SMG8: variants seen among roughly 807,000 people sequenced by gnomAD.
SMG8 encodes nonsense-mediated mRNA decay factor SMG8.
In SMG8, 49 loss-of-function variants were observed where a neutral mutation model predicts 82.1. The ratio of observed to expected loss-of-function variants is 0.60; its 90% CI spans 0.47 to 0.76. The LOEUF (loss-of-function observed/expected upper bound fraction) is 0.76. Among genes scored for constraint, SMG8 ranks in the 30% least tolerant of loss-of-function variants. The pLI, the probability that SMG8 is intolerant of heterozygous loss-of-function variation, is 0.00. For missense variants in SMG8, 969 were observed against 1,166.4 expected, an observed-to-expected ratio of 0.83 and a Z score of 2.46; for synonymous variants, 404 against 430.0, an observed-to-expected ratio of 0.94 and a Z score of 0.75.
Position 59,215,050 on chromosome 17 carries a change from T to C in SMG8, c.*48T>C. On this transcript the variant is annotated 3_prime_UTR_variant, in exon 4 of 4. Coordinates refer to ENST00000300917, the MANE Select transcript of SMG8 (RefSeq NM_018149.7). ...CTATACTTGAGCTGGTTTTTGTTTT[T>C]GGTATTTGTGGCTGTGTTTTTGGTA... 2.3e-6 allele frequency: 2 copies of C among 853,410 alleles called. No individual in the cohort carries two copies. Among genetic ancestry groups the C allele is most frequent in the Non-Finnish European group, 4.1e-6 (2 of 488,914 alleles). 52.9% of individuals were successfully genotyped at this position (853,410 alleles called of 1,614,324 possible).
At position 59,213,029 on chromosome 17, in the gene SMG8, T is replaced by C. The variant is rs1402025193; in HGVS notation, c.2206T>C (p.Phe736Leu). ...AGTGAAAACTGAGAAGAGGCCAAACTTCGTTGATCGACAGGCATCCACAGT... is the reference window on the plus strand; with the variant it reads ...AGTGAAAACTGAGAAGAGGCCAAACCTCGTTGATCGACAGGCATCCACAGT... ...VEVKTEKRPN[F>L]VDRQASTVEY... Residue 736 changes from phenylalanine to leucine, a missense_variant, in exon 3 of 4, where the codon TTC becomes CTC. Phe to Leu is a conservative substitution (Grantham distance 22). Around this residue, in one of 3 missense-constraint regions of SMG8, gnomAD observed 662 missense variants for 884.8 expected, o/e 0.75. Coordinates refer to ENST00000300917, the MANE Select transcript of SMG8 (RefSeq NM_018149.7). The C allele has an allele frequency of 1.2e-6, 2 of 1,614,128 alleles. No homozygotes were observed.
rs375529283 is a variant in SMG8 at position 59,210,713 on chromosome 17, T to C, written c.662T>C (p.Ile221Thr). The stretch of plus-strand genomic sequence containing the variant: ...GTCCATCCCACTTGTTCCTTTGATA[T>C]CACTTATGATCGAGTATTCAGAGCC... ...LLVHPTCSFD[I>T]TYDRVFRALD... The change falls in exon 1 of 4, where the codon ATC becomes ACC. Residue 221 changes from isoleucine (I) to threonine (T), a missense_variant. By Grantham distance (89) the Ile-to-Thr change is moderately conservative (BLOSUM62 -1). This residue lies in a region of SMG8 where 662 missense variants were observed against 884.8 expected (regional missense o/e 0.75). Transcript: ENST00000300917. 6.2e-6 allele frequency: 10 copies of C among 1,614,088 alleles called. No homozygotes were observed. In the African/African-American group the frequency reaches 1.3e-4, roughly 22 times the overall value.
In SMG8 at chr17:59,212,066, ACATCT is replaced by A. The variant is rs2046948126; in HGVS notation, c.1759+260_1759+264del. On this transcript the variant is annotated intron_variant, in intron 1 of 3. Transcript: ENST00000300917. ...ATTATTAAGTAGTATAAAATTTCAG[ACATCT>A]CATATTAACACTTTGCCTTGGAGGA... The A allele has an allele frequency of 7.0e-6, 3 of 427,294 alleles. No homozygotes were observed. In the East Asian group the frequency reaches 1.1e-4, roughly 15 times the overall value. The allele number at this position is 427,294 out of a possible 1,614,324, so 26.5% of individuals were successfully genotyped here. A position where few individuals can be genotyped will look rare whatever the true frequency, so the allele number is the denominator to read the frequency against.
At position 59,211,503 on chromosome 17, in the gene SMG8, CT is replaced by C; in HGVS notation, c.1454del (p.Leu485TrpfsTer37). 6.2e-7 allele frequency: 1 copy of C among 1,613,818 alleles called. No homozygotes were observed. Among genetic ancestry groups the C allele is most frequent in the Non-Finnish European group, 8.5e-7 (1 of 1,179,962 alleles). On this transcript the variant is annotated frameshift_variant, in exon 1 of 4. Coordinates refer to ENST00000300917, the MANE Select transcript of SMG8 (RefSeq NM_018149.7). LOFTEE classifies it high-confidence loss of function. Reference protein sequence around the residue: ...TSKILSSIKVLEGFLDIDTKF... With the variant: ...TSKILSSIKVXEGFLDIDTKF... The stretch of plus-strand genomic sequence containing the variant: ...CTAAGATTTTAAGCAGTATTAAAGT[CT>C]TGGAAGGATTTTTGGATATTGACAC...
Position 59,211,792 on chromosome 17 carries a change from C to G in SMG8, c.1741C>G (p.His581Asp). 1 of 1,537,734 alleles carries G rather than the reference C, an allele frequency of 6.5e-7. No homozygotes were observed. Among genetic ancestry groups the G allele is most frequent in the Non-Finnish European group, 8.7e-7 (1 of 1,146,088 alleles). Residue 581 changes from histidine (H) to aspartate (D), a missense_variant, in exon 1 of 4, where the codon CAC becomes GAC. Physicochemically the swap from His to Asp is moderately conservative, Grantham distance 81. This residue lies in a region of SMG8 where 662 missense variants were observed against 884.8 expected (regional missense o/e 0.75). Transcript: ENST00000300917. Reference protein sequence around the residue: ...LTDQHCVHKFHSLPKSGEKPE... With the variant: ...LTDQHCVHKFDSLPKSGEKPE... ...TGATCAACACTGTGTGCACAAATTT[C>G]ACTCATTACCTAAATCAGGTAGCTA...
At position 59,211,717 on chromosome 17, in the gene SMG8, T is replaced by TA. The variant is rs765683395; in HGVS notation, c.1667dup (p.Tyr556Ter). 1.4e-5 allele frequency: 23 copies of TA among 1,613,812 alleles called. No individual in the cohort carries two copies. Among genetic ancestry groups the TA allele is most frequent in the Non-Finnish European group, 1.9e-5 (23 of 1,179,930 alleles). Residue 556 changes from tyrosine (Y) to a stop codon, truncating the protein, a stop_gained and frameshift_variant, in exon 1 of 4, where the codon TAC becomes TAAC. Transcript: ENST00000300917. LOFTEE classifies it high-confidence loss of function. ...CGCCATGCAGTTACATGAGGACTGC[T>TA]ACAAATTTTGGAGCAATGGCCATCA... ...KYAMQLHEDC[Y>*]KFWSNGHQLC...
In SMG8 at chr17:59,211,223, C is replaced by T; in HGVS notation, c.1172C>T (p.Ser391Phe). The T allele has an allele frequency of 6.2e-7, 1 of 1,614,208 alleles. No homozygotes were observed. The highest frequency in any genetic ancestry group is 1.7e-5 in the Admixed American group (1 of 60,026). ...AGGCAGCACAGCCGACAACAACTTT[C>T]CTTTCACATTGACAGCAGCAGTTCC... ...VMRQHSRQQL[S>F]FHIDSSSSSS... Residue 391 changes from serine (S) to phenylalanine (F), a missense_variant, in exon 1 of 4, where the codon TCC becomes TTC. Ser to Phe is a radical substitution (Grantham distance 155, BLOSUM62 -2). Transcript: ENST00000300917.
At position 59,211,771 on chromosome 17, in the gene SMG8, C is replaced by A; in HGVS notation, c.1720C>A (p.Gln574Lys). 1 of 1,580,268 alleles carries A rather than the reference C, an allele frequency of 6.3e-7. No homozygotes were observed. Among genetic ancestry groups the A allele is most frequent in the Non-Finnish European group, 8.6e-7 (1 of 1,164,508 alleles). The change falls in exon 1 of 4, where the codon CAA becomes AAA. Residue 574 changes from glutamine to lysine, a missense_variant. Transcript: ENST00000300917. ...CTGTGAGGAGAGGAGTTTAACTGAT[C>A]AACACTGTGTGCACAAATTTCACTC... The part of the protein sequence containing the change: ...QLCEERSLTD[Q>K]HCVHKFHSLP...
At position 59,210,459 on chromosome 17, in the gene SMG8, C is replaced by A. The variant is rs145809144; in HGVS notation, c.408C>A (p.Ser136Arg). 76 of 1,603,590 alleles carry A rather than the reference C, an allele frequency of 4.7e-5. No homozygotes were observed. The highest frequency in any genetic ancestry group is 1.7e-4 in the Middle Eastern group (1 of 6,012). ...NRTEAGSQDY[S>R]LLQAYYSQES... is the part of the protein sequence containing the mutation. ...CTGAGGCAGGCTCCCAGGACTACAG[C>A]CTTCTGCAGGCCTACTACAGTCAGG... is the stretch of plus-strand genomic sequence containing the variant. The change falls in exon 1 of 4, where the codon AGC (serine) becomes AGA (arginine). Residue 136 changes from serine to arginine, a missense_variant. By Grantham distance (110) the Ser-to-Arg change is moderately radical. This residue lies in a region of SMG8 where 206 missense variants were observed against 190.5 expected (regional missense o/e 1.08). Coordinates refer to ENST00000300917, the MANE Select transcript of SMG8 (RefSeq NM_018149.7).
At position 59,213,617 on chromosome 17, in the gene SMG8, C is replaced by T; in HGVS notation, c.2778+16C>T. 6 of 1,566,450 alleles carry T rather than the reference C, an allele frequency of 3.8e-6. No homozygotes were observed. The highest frequency in any genetic ancestry group is 4.5e-5 in the East Asian group (2 of 44,544). On this transcript the variant is annotated intron_variant, in intron 3 of 3. Transcript: ENST00000300917. ...AATGCCTCAGGTAAGAAATATAACC[C>T]TCTGCAGCCCCAAACAAGTAAAAAA...
Position 59,210,892 on chromosome 17 carries a change from C to T in SMG8, c.841C>T (p.Arg281Trp), listed in dbSNP as rs1317723600. The T allele has an allele frequency of 1.9e-6, 3 of 1,614,118 alleles. No individual in the cohort carries two copies. The change falls in exon 1 of 4, where the codon CGG (arginine) becomes TGG (tryptophan). Residue 281 changes from arginine to tryptophan, a missense_variant. By Grantham distance (101) the Arg-to-Trp change is moderately radical. Around this residue, in one of 3 missense-constraint regions of SMG8, gnomAD observed 662 missense variants for 884.8 expected, o/e 0.75. Transcript: ENST00000300917. ...LNGALKVEPPRNQDPAHPDKP... is the reference protein window; with the variant it reads ...LNGALKVEPPWNQDPAHPDKP... Reference sequence around the variant, plus strand: ...TGGAGCCCTCAAGGTAGAACCTCCTCGGAACCAAGACCCAGCTCATCCAGA... The same window carrying T: ...TGGAGCCCTCAAGGTAGAACCTCCTTGGAACCAAGACCCAGCTCATCCAGA...
chr17:59,212,905 T>A lies in SMG8; in HGVS notation c.2082T>A (p.Ser694Arg). 1.9e-6 allele frequency: 3 copies of A among 1,613,980 alleles called. No individual in the cohort carries two copies. Among genetic ancestry groups the A allele is most frequent in the Non-Finnish European group, 2.5e-6 (3 of 1,180,008 alleles). ...PQTQGESTSL[S>R]LALSLGQSTD... ...CCCAAGGAGAGAGCACGAGCCTGAG[T>A]TTAGCTTTGAGTTTGGGCCAATCCA... The change falls in exon 3 of 4, where the codon AGT becomes AGA. Residue 694 changes from serine (S) to arginine (R), a missense_variant. Transcript: ENST00000300917.
chr17:59,212,089 T>G (rs1471373042), intron 1 of SMG8: 1 of 425,722 alleles, frequency 2.3e-6, no homozygotes, highest in East Asian at 3.5e-5. Flanking sequence ...ACACTTTGCC[T>G]TGGAGGATTT....
chr17:59,210,386 C>T lies in SMG8; in HGVS notation c.335C>T (p.Ala112Val), dbSNP rs2046940059. 6.2e-7 allele frequency: 1 copy of T among 1,610,256 alleles called. No homozygotes were observed. The highest frequency in any genetic ancestry group is 1.1e-5 in the South Asian group (1 of 90,616). ...AGGAEDPGAA[A>V]GGSVRGSGAV... ...GGAGCCGAGGACCCTGGGGCTGCAG[C>T]CGGGGGTTCAGTTCGGGGAAGTGGA... The change falls in exon 1 of 4, where the codon GCC becomes GTC. Residue 112 changes from alanine to valine, a missense_variant. By Grantham distance (64) the Ala-to-Val change is moderately conservative. This residue lies in a region of SMG8 where 206 missense variants were observed against 190.5 expected (regional missense o/e 1.08). Coordinates refer to ENST00000300917, the MANE Select transcript of SMG8 (RefSeq NM_018149.7).
chr17:59,212,418 T>C lies in SMG8; in HGVS notation c.1837T>C (p.Cys613Arg). ...AGCTCGATCTACTGGTGCTTGCAAC[T>C]GTGGAAGGAAACAAGCACCTCGAGA... is the stretch of plus-strand genomic sequence containing the variant. ...SRARSTGACNCGRKQAPRDDP... is the reference protein window; with the variant it reads ...SRARSTGACNRGRKQAPRDDP... Residue 613 changes from cysteine to arginine, a missense_variant, in exon 2 of 4, where the codon TGT (cysteine) becomes CGT (arginine). Coordinates refer to ENST00000300917, the MANE Select transcript of SMG8 (RefSeq NM_018149.7). 6.2e-7 allele frequency: 1 copy of C among 1,609,460 alleles called. No individual in the cohort carries two copies. The highest frequency in any genetic ancestry group is 8.5e-7 in the Non-Finnish European group (1 of 1,176,410).
rs759023784 is a variant in SMG8 at position 59,210,488 on chromosome 17, G to C, written c.437G>C (p.Ser146Thr). The C allele has an allele frequency of 6.3e-7, 1 of 1,577,290 alleles. No homozygotes were observed. Among genetic ancestry groups the C allele is most frequent in the South Asian group, 1.2e-5 (1 of 84,490 alleles). Residue 146 changes from serine to threonine, a missense_variant, in exon 1 of 4, where the codon AGC becomes ACC. Physicochemically the swap from Ser to Thr is moderately conservative, Grantham distance 58. Transcript: ENST00000300917. ...CTGCAGGCCTACTACAGTCAGGAAAGCAAAGTTCTGTATCTTCTCCTCACC... is the reference window on the plus strand; with the variant it reads ...CTGCAGGCCTACTACAGTCAGGAAACCAAAGTTCTGTATCTTCTCCTCACC... Reference protein sequence around the residue: ...SLLQAYYSQESKVLYLLLTSI... With the variant: ...SLLQAYYSQETKVLYLLLTSI...
At chr17:59,212,543 G>A in intron 2 of SMG8, 57 bp downstream of exon 2, 1 of 1,560,520 alleles carries the variant, frequency 6.4e-7, no homozygotes. Flanking sequence ...AATATCATCT[G>A]AGTAAAAACA....
chr17:59,211,898 G>A, intron 1 of SMG8, 88 bp downstream of exon 1: 2 of 1,209,116 alleles, frequency 1.7e-6, no homozygotes, highest in East Asian at 2.8e-5. Flanking sequence ...ACTATGTATT[G>A]ATATTTTAGA....
Position 59,211,693 on chromosome 17 carries a change from G to T in SMG8, c.1642G>T (p.Ala548Ser), listed in dbSNP as rs774899403. ...HARGPAFHKY[A>S]MQLHEDCYKF... ...TAGAGGTCCAGCATTTCACAAATAC[G>T]CCATGCAGTTACATGAGGACTGCTA... The change falls in exon 1 of 4, where the codon GCC becomes TCC. Residue 548 changes from alanine (A) to serine (S), a missense_variant. Physicochemically the swap from Ala to Ser is moderately conservative, Grantham distance 99 (BLOSUM62 1). Around this residue, in one of 3 missense-constraint regions of SMG8, gnomAD observed 662 missense variants for 884.8 expected, o/e 0.75. Coordinates refer to ENST00000300917, the MANE Select transcript of SMG8 (RefSeq NM_018149.7). 9 of 1,613,936 alleles carry T rather than the reference G, an allele frequency of 5.6e-6. No homozygotes were observed. In the East Asian group the frequency reaches 8.9e-5, roughly 16 times the overall value.
Sources: allele counts gnomAD v4.1 joint callset, GRCh38; gene constraint gnomAD v4.1.1; regional missense constraint gnomAD v4.1.1; transcripts MANE v1.5; gene names NCBI Gene and HGNC (gene_info 2026-07-23, HGNC 2026-07-21).